Variants in SEC62 observed in about 807,000 individuals in gnomAD.
SEC62 encodes the protein SEC62 preprotein translocation factor.
Under a neutral mutation model 47.5 loss-of-function variants are expected in SEC62, and 10 were observed. The ratio of observed to expected loss-of-function variants is 0.21; its 90% CI spans 0.13 to 0.36. The LOEUF is 0.36. Among genes scored for constraint, SEC62 ranks in the 10% least tolerant of loss-of-function variants. The pLI is 1.00. For synonymous variants in SEC62, 136 were observed against 150.5 expected (o/e 0.90, Z 0.71); for missense variants, 327 against 464.1 (o/e 0.70, Z 2.71).
chr3:169,967,031 G>T (rs1374703720), intron 1 of SEC62, among the ~76,000 whole-genome samples, 173 bp downstream of exon 1: 1 of 152,224 alleles, frequency 6.6e-6, no homozygotes, highest in Admixed American at 6.5e-5. Flanking sequence ...CCTGAGGGGG[G>T]GCGGTGTTGG....
At chr3:169,970,863 A>G (rs1402640594) in intron 1 of SEC62, among the ~76,000 whole-genome samples, 1 of 152,214 alleles carries the variant, frequency 6.6e-6, no homozygotes, top group Non-Finnish European at 1.5e-5. Flanking sequence ...GAAGTCTTCT[A>G]GGAAAATTAT....
rs1715392787 is a variant in SEC62, at chr3:169,996,975, A to T, written c.*3912A>T. 6.6e-6 allele frequency: 1 copy of T among 152,260 alleles called. No individual in the cohort carries two copies. Among genetic ancestry groups the T allele is most frequent in the Admixed American group, 6.5e-5 (1 of 15,280 alleles). 9.4% of individuals were successfully genotyped at this position (152,260 alleles called of 1,614,324 possible). A position where few individuals can be genotyped will look rare whatever the true frequency, so the allele number is the denominator to read the frequency against. ...CCAATGAGGAATTGACCTCTTTGTC[A>T]GATCCTTATCACCAAACATTAGAAA... On this transcript the variant is annotated 3_prime_UTR_variant, in exon 8 of 8. Transcript: ENST00000337002.
chr3:169,978,311 A>G (rs947300057), intron 3 of SEC62, among the ~76,000 whole-genome samples: 4 of 151,992 alleles, frequency 2.6e-5, no homozygotes, highest in African/African-American at 4.8e-5. Context: ...TGCAGTTGAT[A>G]TTTGCTTGTC....
At chr3:169,966,899 G>C (rs2072576) in intron 1 of SEC62, 41 bp downstream of exon 1, 145,324 of 1,468,410 alleles carry the variant, frequency 0.099, 7,926 homozygotes, top group East Asian at 0.25. Context: ...TCGGCGCGCT[G>C]GATAGTGGAA....
chr3:169,970,063 G>A (rs923436289), intron 1 of SEC62, among the ~76,000 whole-genome samples: 1 of 152,124 alleles, frequency 6.6e-6, no homozygotes, highest in African/African-American at 2.4e-5. Flanking sequence ...TGAATATTCT[G>A]AAGAGAAAGA....
At chr3:169,988,977 C>T (rs980177737) in intron 7 of SEC62, among the ~76,000 whole-genome samples, 1 of 151,696 alleles carries the variant, frequency 6.6e-6, no homozygotes, top group Non-Finnish European at 1.5e-5. Context: ...TGGGAAAAAT[C>T]AATAATTTTC....
At chr3:169,984,722 A>G (rs1715057947) in intron 5 of SEC62, among the ~76,000 whole-genome samples, 2 of 152,242 alleles carry the variant, frequency 1.3e-5, no homozygotes, top group South Asian at 4.1e-4. Flanking sequence ...GGAAATGGGC[A>G]GAGTAAAATA....
intron 1 of SEC62, among the ~76,000 whole-genome samples, chr3:169,974,569 G>A (rs1204742799): frequency 6.6e-6 from 1 of 152,160 alleles, no homozygotes; most frequent in Non-Finnish European, 1.5e-5. Context: ...AGAAAGCAGA[G>A]AAGGATTAAA....
chr3:169,975,738 C>A (rs936964662), intron 2 of SEC62, 22 bp downstream of exon 2: 6 of 1,466,112 alleles, frequency 4.1e-6, no homozygotes, highest in African/African-American at 1.4e-5. Context: ...TCAGTAAAAT[C>A]GTATTAGTGT....
intron 6 of SEC62, 103 bp from the exon 7 acceptor site, chr3:169,988,136 GT>G: frequency 7.6e-7 from 1 of 1,316,930 alleles, no homozygotes; most frequent in Non-Finnish European, 1.1e-6. Flanking sequence ...ATTTCACTGT[GT>G]TTATGTTTCT....
chr3:169,983,782 A>G (rs1384198813), intron 5 of SEC62: 1 of 152,220 alleles, frequency 6.6e-6, no homozygotes. Flanking sequence ...TATGAGAAGT[A>G]AAATCTTGGA....
intron 1 of SEC62, among the ~76,000 whole-genome samples, chr3:169,967,149 G>T (rs1267961671): frequency 3.3e-5 from 5 of 152,214 alleles, no homozygotes; most frequent in African/African-American, 1.2e-4. Flanking sequence ...TGGAGTTCCT[G>T]TGGTCGCGCT....
intron 2 of SEC62, 111 bp downstream of exon 2, chr3:169,975,827 A>G (rs1714822783): frequency 3.2e-6 from 2 of 628,990 alleles, no homozygotes; most frequent in African/African-American, 3.6e-5. Flanking sequence ...TGTTCTGGTG[A>G]TGGACATATG....
intron 6 of SEC62, among the ~76,000 whole-genome samples, chr3:169,986,462 T>C (rs1715109759): frequency 6.6e-6 from 1 of 152,066 alleles, no homozygotes; most frequent in African/African-American, 2.4e-5. Context: ...TCTAATAAAT[T>C]CCACTTTAAG....
At chr3:169,985,783 C>T (rs769501102) in intron 5 of SEC62, 22 bp from the exon 6 acceptor site, 18 of 1,595,326 alleles carry the variant, frequency 1.1e-5, no homozygotes, top group Admixed American at 1.7e-5. Flanking sequence ...TTTTAAGCAC[C>T]GAGGTTTCTT....
intron 6 of SEC62, among the ~76,000 whole-genome samples, chr3:169,987,947 A>G (rs1190335957): frequency 6.6e-6 from 1 of 152,204 alleles, no homozygotes; most frequent in African/African-American, 2.4e-5. Flanking sequence ...AGCTTGAAAA[A>G]GGGGGCAGTT....
Position 169,992,566 on chromosome 3 carries a change from T to C in SEC62, c.731-28T>C. On this transcript the variant is annotated intron_variant, in intron 7 of 7. Transcript: ENST00000337002. This position sits in a 1 kb window ranked among gnomAD's most constrained non-coding sequence, Gnocchi z 4.0. ...CCTTCTGAGGCAGTGTTTGAATTAC[T>C]CAATTAGAGAAATTTTTCTCCCCAC... 3 of 1,522,564 alleles carry C rather than the reference T, an allele frequency of 2.0e-6. No individual in the cohort carries two copies. The highest frequency in any genetic ancestry group is 2.7e-6 in the Non-Finnish European group (3 of 1,110,170). The allele number at this position is 1,522,564 out of a possible 1,614,324, so 94.3% of individuals were successfully genotyped here.
In SEC62 at chr3:169,992,869, G is replaced by T. The variant is rs377711845; in HGVS notation, c.1006G>T (p.Gly336Trp). Residue 336 changes from glycine (G) to tryptophan (W), a missense_variant, in exon 8 of 8, where the codon GGG (glycine) becomes TGG (tryptophan). Gly to Trp is a radical substitution (Grantham distance 184, BLOSUM62 -2). Transcript: ENST00000337002. The surrounding 1 kb of genome is among the most constrained non-coding windows in gnomAD (Gnocchi z 4.0). ...AGGAAATCATGGAACAGAAGGCTCG[G>T]GGGGAGAACGGCATTCAGACACGGA... ...GPGNHGTEGS[G>W]GERHSDTDSD... 4 of 1,614,068 alleles carry T rather than the reference G, an allele frequency of 2.5e-6. No homozygotes were observed. Among genetic ancestry groups the T allele is most frequent in the Admixed American group, 3.3e-5 (2 of 59,988 alleles).
intron 1 of SEC62, among the ~76,000 whole-genome samples, chr3:169,970,863 A>T (rs1402640594): frequency 1.3e-5 from 2 of 152,214 alleles, no homozygotes; most frequent in African/African-American, 4.8e-5. Flanking sequence ...GAAGTCTTCT[A>T]GGAAAATTAT....
Sources: allele counts gnomAD v4.1 joint callset (sites outside exome capture counted in the v4.1 genomes callset), GRCh38; gene constraint gnomAD v4.1.1; non-coding constraint Gnocchi (gnomAD v3.1); transcripts MANE v1.5; gene names NCBI Gene and HGNC (gene_info 2026-07-23, HGNC 2026-07-21).